The following TACR1 variants were observed in gnomAD, a reference collection of about 807,000 sequenced individuals.
The protein encoded by TACR1 is substance-P receptor.
A neutral mutation model predicts 35.8 loss-of-function variants in TACR1; 25 were observed. The ratio of observed to expected loss-of-function variants is 0.70; its 90% CI spans 0.51 to 0.98. The LOEUF is 0.98. TACR1 is among the 50% of genes least tolerant of loss of function. The probability of loss-of-function intolerance (pLI) is 0.00; values close to 1 mark genes in which losing one functional copy is unlikely to be tolerated. For missense variants in TACR1, 478 were observed against 522.9 expected (o/e 0.91, Z 0.84); for synonymous variants, 195 against 206.7 (o/e 0.94, Z 0.48).
intron 1 of TACR1, among the ~76,000 whole-genome samples, chr2:75,148,832 T>C (rs888643695): frequency 2.0e-5 from 3 of 152,236 alleles, no homozygotes; most frequent in African/African-American, 7.2e-5. Context: ...CTAGGTTTTC[T>C]TCTAGGGTTT....
chr2:75,095,297 G>C (rs368536971), intron 2 of TACR1, among the ~76,000 whole-genome samples: 1 of 152,094 alleles, frequency 6.6e-6, no homozygotes, highest in East Asian at 1.9e-4. Flanking sequence ...TTTAATTTTC[G>C]TGGCTGTAAC....
intron 2 of TACR1, among the ~76,000 whole-genome samples, chr2:75,113,760 A>C (rs1400447793): frequency 6.6e-6 from 1 of 151,996 alleles, no homozygotes; most frequent in Non-Finnish European, 1.5e-5. Context: ...AGCTAGCATA[A>C]ACAATCAATC....
At chr2:75,129,764 T>C (rs915494059) in intron 1 of TACR1, among the ~76,000 whole-genome samples, 4 of 152,228 alleles carry the variant, frequency 2.6e-5, no homozygotes, top group African/African-American at 9.6e-5. Context: ...AGAGTTTCCC[T>C]GATTCTCTAG....
Position 75,199,151 on chromosome 2 carries a change from C to A in TACR1, c.-217G>T, listed in dbSNP as rs200318531. 3 of 562,206 alleles carry A rather than the reference C, an allele frequency of 5.3e-6. No homozygotes were observed. In the African/African-American group the frequency reaches 5.6e-5, roughly 11 times the overall value. The allele number at this position is 562,206 out of a possible 1,614,324, so 34.8% of individuals were successfully genotyped here. A position where few individuals can be genotyped will look rare whatever the true frequency, so the allele number is the denominator to read the frequency against. On this transcript the variant is annotated 5_prime_UTR_variant, in exon 1 of 5. Coordinates refer to ENST00000305249, the MANE Select transcript of TACR1 (RefSeq NM_001058.4). The stretch of plus-strand genomic sequence containing the variant: ...CTGCCCGCGGTGGCTCTGAATTCCT[C>A]CACTTTCAAGCTTCAGGAGACGTTT...
chr2:75,154,918 G>A (rs1018447788), intron 1 of TACR1, among the ~76,000 whole-genome samples: 9 of 152,102 alleles, frequency 5.9e-5, no homozygotes, highest in African/African-American at 2.2e-4. Context: ...TCAGTCCTGG[G>A]CAGTGAGGCA....
At chr2:75,096,960 C>T (rs1314315054) in intron 2 of TACR1, among the ~76,000 whole-genome samples, 1 of 152,236 alleles carries the variant, frequency 6.6e-6, no homozygotes, top group Non-Finnish European at 1.5e-5. Context: ...ACCCCTATCT[C>T]TCTTGTATCT....
intron 2 of TACR1, among the ~76,000 whole-genome samples, chr2:75,092,359 C>G (rs1673328467): frequency 6.6e-6 from 1 of 152,030 alleles, no homozygotes; most frequent in African/African-American, 2.4e-5. Context: ...CATTGTGGTG[C>G]TCAGAAAACC....
chr2:75,158,357 A>G (rs1037869462), intron 1 of TACR1, among the ~76,000 whole-genome samples: 1 of 152,238 alleles, frequency 6.6e-6, no homozygotes, highest in Non-Finnish European at 1.5e-5. Flanking sequence ...CAGAAAATGC[A>G]TATTATGTAT....
chr2:75,123,889 A>G (rs1028149376), intron 1 of TACR1, among the ~76,000 whole-genome samples: 3 of 152,180 alleles, frequency 2.0e-5, no homozygotes, highest in East Asian at 3.8e-4. Flanking sequence ...ACATTTATAT[A>G]TTTATCTGGA....
chr2:75,143,460 T>C (rs1674448471), intron 1 of TACR1, among the ~76,000 whole-genome samples: 1 of 152,074 alleles, frequency 6.6e-6, no homozygotes, highest in Non-Finnish European at 1.5e-5. Context: ...GAACCAGAAG[T>C]ATTGGCACTA....
chr2:75,101,544 T>C (rs1432989530), intron 2 of TACR1, among the ~76,000 whole-genome samples: 1 of 152,164 alleles, frequency 6.6e-6, no homozygotes, highest in African/African-American at 2.4e-5. Context: ...TCATGAGTGG[T>C]AGCTCCACTG....
chr2:75,109,068 G>T (rs1368166955), intron 2 of TACR1, among the ~76,000 whole-genome samples: 1 of 152,158 alleles, frequency 6.6e-6, no homozygotes, highest in Non-Finnish European at 1.5e-5. Flanking sequence ...CAACCTGTTT[G>T]GGAAAACAAT....
intron 1 of TACR1, among the ~76,000 whole-genome samples, chr2:75,145,114 C>A (rs1225257773): frequency 6.6e-5 from 10 of 152,032 alleles, no homozygotes; most frequent in Non-Finnish European, 1.3e-4. Context: ...CTGTTAATAT[C>A]ATTTATTGTA....
intron 2 of TACR1, among the ~76,000 whole-genome samples, chr2:75,105,228 T>C (rs1484406232): frequency 6.6e-6 from 1 of 152,086 alleles, no homozygotes; most frequent in Non-Finnish European, 1.5e-5. Context: ...CTTTCATGTG[T>C]GACAACATGG....
chr2:75,094,856 TA>T (rs146812794), intron 2 of TACR1, among the ~76,000 whole-genome samples: 58 of 86,702 alleles, frequency 6.7e-4, no homozygotes, highest in South Asian at 5.1e-3. Context: ...TATATATATA[TA>T]TATTTTTTTT....
intron 1 of TACR1, chr2:75,154,462 C>A: frequency 1.7e-5 from 1 of 60,452 alleles, no homozygotes; most frequent in Admixed American, 2.3e-4. Context: ...TCTGAAGAAA[C>A]CCAGTGGAGA....
At chr2:75,155,682 C>T (rs899597766) in intron 1 of TACR1, among the ~76,000 whole-genome samples, 2 of 152,222 alleles carry the variant, frequency 1.3e-5, no homozygotes, top group Non-Finnish European at 2.9e-5. Flanking sequence ...TGTGAAGCTA[C>T]ATTTACATTT....
chr2:75,076,201 T>G (rs1011624096), intron 2 of TACR1, among the ~76,000 whole-genome samples: 2 of 152,220 alleles, frequency 1.3e-5, no homozygotes. Flanking sequence ...GAAATAACCA[T>G]ACTCCCATGC....
chr2:75,104,110 CA>C (rs1673594817), intron 2 of TACR1, among the ~76,000 whole-genome samples: 1 of 152,020 alleles, frequency 6.6e-6, no homozygotes, highest in African/African-American at 2.4e-5. Flanking sequence ...AATCAAAGGA[CA>C]CAGAGTGCTT....
Sources: gnomAD v4.1 joint callset for allele counts (sites outside exome capture counted in the v4.1 genomes callset) on GRCh38, gnomAD v4.1.1 for gene constraint, MANE v1.5 for transcripts, NCBI Gene and HGNC (gene_info 2026-07-23, HGNC 2026-07-21) for gene names.